Variants in MGAT4C observed in about 807,000 individuals in gnomAD.
The protein encoded by MGAT4C is alpha-1,3-mannosyl-glycoprotein 4-beta-N-acetylglucosaminyltransferase C.
A neutral mutation model predicts 40.1 loss-of-function variants in MGAT4C; 19 were observed. That is an observed-to-expected ratio of 0.47 (90% CI 0.33 to 0.70). The LOEUF is 0.70. Among genes scored for constraint, MGAT4C ranks in the 30% least tolerant of loss-of-function variants. The pLI is 0.02. For missense variants in MGAT4C, 491 were observed against 563.2 expected (o/e 0.87, Z 1.30); for synonymous variants, 181 against 187.1 (o/e 0.97, Z 0.27).
chr12:86,308,480 AAAGAAAAATAAAAGGATGTTTTCTTCTGC>A (rs1263062236), intron 4 of MGAT4C, among the ~76,000 whole-genome samples: 1 of 150,562 alleles, frequency 6.6e-6, no homozygotes, highest in Admixed American at 6.6e-5. Flanking sequence ...GATCTGAGGG[AAAGAAAAATAAAAGGATGTTTTCTTCTGC>A]AAAGGAAAAA....
intron 2 of MGAT4C, among the ~76,000 whole-genome samples, chr12:86,604,827 G>A (rs1036050720): frequency 6.6e-6 from 1 of 152,140 alleles, no homozygotes; most frequent in East Asian, 1.9e-4. Context: ...ATTATTCCAT[G>A]CAGCAAACAA....
At chr12:86,380,982 C>T (rs2136219838) in intron 3 of MGAT4C, among the ~76,000 whole-genome samples, 1 of 152,074 alleles carries the variant, frequency 6.6e-6, no homozygotes, top group Non-Finnish European at 1.5e-5. Flanking sequence ...CCAATTTATA[C>T]AATAAAATAG....
chr12:86,600,332 G>A (rs1961719962), intron 2 of MGAT4C, among the ~76,000 whole-genome samples: 1 of 152,176 alleles, frequency 6.6e-6, no homozygotes, highest in African/African-American at 2.4e-5. Context: ...TAGGTGGGAC[G>A]TGCATCGGTA....
intron 2 of MGAT4C, among the ~76,000 whole-genome samples, chr12:86,521,774 T>A (rs912732799): frequency 6.6e-6 from 1 of 152,122 alleles, no homozygotes; most frequent in South Asian, 2.1e-4. Flanking sequence ...TTCCTTTTTT[T>A]CCTTTGGGCA....
intron 1 of MGAT4C, among the ~76,000 whole-genome samples, chr12:86,250,623 CAG>C (rs1269748109): frequency 6.6e-6 from 1 of 152,032 alleles, no homozygotes; most frequent in African/African-American, 2.4e-5. Flanking sequence ...CAAAGTAAAA[CAG>C]AGTAAAAGAT....
intron 1 of MGAT4C, among the ~76,000 whole-genome samples, chr12:86,187,340 C>A (rs4842558): frequency 6.6e-6 from 1 of 151,850 alleles, no homozygotes; most frequent in East Asian, 1.9e-4. Context: ...TAATATATAA[C>A]GTAAAATTCA....
upstream of MGAT4C, among the ~76,000 whole-genome samples, chr12:86,259,171 T>G (rs1952603274): frequency 6.6e-6 from 1 of 151,960 alleles, no homozygotes; most frequent in Admixed American, 6.6e-5. Flanking sequence ...TTAGTAGAAT[T>G]TATAAAATTT....
At chr12:86,563,066 C>T (rs201039431) in intron 2 of MGAT4C, among the ~76,000 whole-genome samples, 1 of 152,144 alleles carries the variant, frequency 6.6e-6, no homozygotes, top group East Asian at 1.9e-4. Flanking sequence ...TTTAGACCTA[C>T]TCATCCCAAC....
chr12:86,010,261 A>C (rs1031853915), intron 2 of MGAT4C, among the ~76,000 whole-genome samples: 2 of 152,206 alleles, frequency 1.3e-5, no homozygotes, highest in Non-Finnish European at 2.9e-5. Flanking sequence ...GGACTAATGA[A>C]ATAAAGATGA....
chr12:86,537,900 A>C (rs933091195), intron 2 of MGAT4C, among the ~76,000 whole-genome samples: 41 of 152,134 alleles, frequency 2.7e-4, no homozygotes, highest in African/African-American at 9.7e-4. Context: ...CAGGCTGGCC[A>C]ACATGGCAAA....
chr12:86,719,761 C>T (rs185114781), intron 2 of MGAT4C, among the ~76,000 whole-genome samples: 5 of 152,260 alleles, frequency 3.3e-5, no homozygotes, highest in Non-Finnish European at 7.4e-5. Context: ...GCATTCCCAC[C>T]TGATAAAATT....
chr12:86,750,070 TG>T lies in MGAT4C; in HGVS notation c.-261-22830del, dbSNP rs796670498. Among the ~76,000 whole-genome samples the T allele has an allele frequency of 7.9e-5, 12 of 151,974 alleles. 1 individual carries two copies. The highest frequency in any genetic ancestry group is 2.6e-4 in the African/African-American group (11 of 41,524). Reference sequence around the variant, plus strand: ...GACTGAACTGAAATGAGGTATATCTTGTCAAAATTTAGACAAATGGGAAGAT... The same window carrying T: ...GACTGAACTGAAATGAGGTATATCTTTCAAAATTTAGACAAATGGGAAGAT... On this transcript the variant is annotated intron_variant, in intron 1 of 7. Transcript: ENST00000548651.
intron 3 of MGAT4C, among the ~76,000 whole-genome samples, chr12:86,394,989 T>C (rs1022062096): frequency 1.3e-4 from 20 of 152,094 alleles, no homozygotes; most frequent in African/African-American, 4.1e-4. Flanking sequence ...AGTACATTTA[T>C]GAGTCCCCTT....
At chr12:86,749,593 T>C (rs1593172303) in intron 1 of MGAT4C, among the ~76,000 whole-genome samples, 2 of 151,854 alleles carry the variant, frequency 1.3e-5, no homozygotes. Flanking sequence ...TTTTACAACT[T>C]TCCTCCCCCT....
intron 2 of MGAT4C, among the ~76,000 whole-genome samples, chr12:86,703,288 T>C (rs1351193475): frequency 1.3e-5 from 2 of 152,234 alleles, no homozygotes; most frequent in Non-Finnish European, 2.9e-5. Context: ...GTGGCAGGAT[T>C]GGAGAGGATT....
chr12:86,708,635 G>A (rs917344250), intron 2 of MGAT4C, among the ~76,000 whole-genome samples: 18 of 152,184 alleles, frequency 1.2e-4, no homozygotes, highest in East Asian at 3.9e-4. Flanking sequence ...TGCACCCTGC[G>A]TAACCACAGG....
At chr12:86,370,956 TACCATTA>T (rs57309751) in intron 3 of MGAT4C, among the ~76,000 whole-genome samples, 10,766 of 151,984 alleles carry the variant, frequency 0.071, 902 homozygotes, top group East Asian at 0.24. Context: ...GATGATTTTA[TACCATTA>T]TGCATAGGTT....
Position 86,677,432 on chromosome 12 carries a change from AT to A in MGAT4C, c.-229+49776del, listed in dbSNP as rs1949888188. Among the ~76,000 whole-genome samples the A allele has an allele frequency of 2.6e-5, 4 of 152,206 alleles. No homozygotes were observed. The South Asian group carries it at 8.3e-4, about 32-fold the overall frequency. On this transcript the variant is annotated intron_variant, in intron 2 of 7. Coordinates refer to the MGAT4C transcript ENST00000548651. ...GGCTACTCAAAAATGTGCTTGCTAG[AT>A]TTACTCTTCTGCTTAGTTAAGCAAT...
chr12:86,184,370 C>T lies in MGAT4C; in HGVS notation c.-57+71869G>A, dbSNP rs893108041. On this transcript the variant is annotated intron_variant, in intron 1 of 4. Transcript: ENST00000611864. ...CAGCCTGGGTGACTAAGTGAGACTCCGTTTAAAAAAAAAAAAAAGCTTTTA... is the reference window on the plus strand; with the variant it reads ...CAGCCTGGGTGACTAAGTGAGACTCTGTTTAAAAAAAAAAAAAAGCTTTTA... Among the ~76,000 whole-genome samples the T allele has an allele frequency of 9.4e-4, 139 of 147,872 alleles. 4 individuals carry two copies. Among genetic ancestry groups the T allele is most frequent in the East Asian group, 3.9e-4 (2 of 5,080 alleles).
Sources: gnomAD v4.1 joint callset for allele counts (sites outside exome capture counted in the v4.1 genomes callset) on GRCh38, gnomAD v4.1.1 for gene constraint, MANE v1.5 for transcripts, NCBI Gene and HGNC (gene_info 2026-07-23, HGNC 2026-07-21) for gene names.